SLC25A20: variants seen among roughly 807,000 people sequenced by gnomAD.
The protein encoded by SLC25A20 is mitochondrial carnitine/acylcarnitine carrier protein.
A neutral mutation model predicts 39.7 loss-of-function variants in SLC25A20; 29 were observed. The ratio of observed to expected loss-of-function variants is 0.73; its 90% CI spans 0.54 to 1.00. The LOEUF is 1.00. Ranked by LOEUF, SLC25A20 falls within the 50% of genes least tolerant of loss-of-function variation. SLC25A20 has a pLI of 0.00. For missense variants in SLC25A20, 333 were observed against 379.9 expected (o/e 0.88, Z 1.03); for synonymous variants, 103 against 142.2 (o/e 0.72, Z 1.96).
chr3:48,883,572 A>AT (rs2083809558), intron 3 of SLC25A20, among the ~76,000 whole-genome samples: 1 of 146,368 alleles, frequency 6.8e-6, no homozygotes, highest in Non-Finnish European at 1.5e-5. Context: ...GAAAAAAAAA[A>AT]CTCCCAGGAG....
At chr3:48,878,399 T>TCATG (rs908299362) in intron 4 of SLC25A20, among the ~76,000 whole-genome samples, 1 of 150,982 alleles carries the variant, frequency 6.6e-6, no homozygotes, top group African/African-American at 2.4e-5. Flanking sequence ...AGTGGCACAA[T>TCATG]CATGGCTCAG....
At position 48,879,437 on chromosome 3, in the gene SLC25A20, A is replaced by C; in HGVS notation, c.338T>G (p.Leu113Arg). Residue 113 changes from leucine (L) to arginine (R), a missense_variant, in exon 4 of 9, where the codon CTT becomes CGT. By Grantham distance (102) the Leu-to-Arg change is moderately radical. Transcript: ENST00000319017. ...GCCAGATAACATCCCAGCTGCAAAA[A>C]GCTGGGGATAGCTGCATTGAAAACA... ...HPEDVLSYPQLFAAGMLSGVF... is the reference protein window; with the variant it reads ...HPEDVLSYPQRFAAGMLSGVF... 4 of 1,613,600 alleles carry C rather than the reference A, an allele frequency of 2.5e-6. No individual in the cohort carries two copies. Among genetic ancestry groups the C allele is most frequent in the Non-Finnish European group, 3.4e-6 (4 of 1,179,476 alleles).
rs115475663 is a variant in SLC25A20, at chr3:48,869,332, G to A, written c.418-6673C>T. 8.6e-3 allele frequency among the ~76,000 whole-genome samples: 1,311 copies of A among 152,186 alleles called. 10 individuals carry two copies. The highest frequency in any genetic ancestry group is 0.014 in the Non-Finnish European group (934 of 68,012). On this transcript the variant is annotated intron_variant, in intron 4 of 8. Transcript: ENST00000319017. ...GCAGCCATGATAAAAATCCTTCAAT[G>A]AGCAATTATGAACATGCTTGAAAAA...
At chr3:48,876,587 G>C (rs1170265394) in intron 4 of SLC25A20, among the ~76,000 whole-genome samples, 1 of 150,912 alleles carries the variant, frequency 6.6e-6, no homozygotes, top group Non-Finnish European at 1.5e-5. Flanking sequence ...CACCACTCCT[G>C]GCTAATTTTT....
At chr3:48,858,912 T>C (rs1487434545) in intron 7 of SLC25A20, among the ~76,000 whole-genome samples, 180 bp downstream of exon 7, 1 of 152,136 alleles carries the variant, frequency 6.6e-6, no homozygotes, top group Non-Finnish European at 1.5e-5. Context: ...TAGGCTGTCA[T>C]GAAAATGAAT....
Position 48,898,684 on chromosome 3 carries a change from C to T in SLC25A20, c.105+6G>A, listed in dbSNP as rs1196082337. On this transcript the variant is annotated splice_donor_region_variant and intron_variant, in intron 1 of 8. Coordinates refer to ENST00000319017, the MANE Select transcript of SLC25A20 (RefSeq NM_000387.6). ...TCCCCAAAGCCTGCGACCCAGCCTC[C>T]CGCACCTTGACCGTGTCCAGAGGGT... is the stretch of plus-strand genomic sequence containing the variant. 2 of 1,597,068 alleles carry T rather than the reference C, an allele frequency of 1.3e-6. No individual in the cohort carries two copies. The highest frequency in any genetic ancestry group is 1.7e-6 in the Non-Finnish European group (2 of 1,172,726).
chr3:48,873,255 C>T (rs2083730054), intron 4 of SLC25A20, among the ~76,000 whole-genome samples: 1 of 151,230 alleles, frequency 6.6e-6, no homozygotes, highest in Middle Eastern at 3.3e-3. Flanking sequence ...CGTGGTGGCT[C>T]ACGCCTGTAG....
At chr3:48,894,244 T>C (rs1279186461) in intron 1 of SLC25A20, among the ~76,000 whole-genome samples, 1 of 148,154 alleles carries the variant, frequency 6.7e-6, no homozygotes, top group Non-Finnish European at 1.5e-5. Flanking sequence ...GGCTGGAGTC[T>C]TTGCCGATTT....
At chr3:48,878,933 G>A (rs2083781035) in intron 4 of SLC25A20, among the ~76,000 whole-genome samples, 1 of 151,874 alleles carries the variant, frequency 6.6e-6, no homozygotes, top group Non-Finnish European at 1.5e-5. Context: ...CAGTGCAGTG[G>A]CGTGACACAG....
At chr3:48,881,282 A>G (rs1234952036) in intron 3 of SLC25A20, among the ~76,000 whole-genome samples, 1 of 152,208 alleles carries the variant, frequency 6.6e-6, no homozygotes, top group Non-Finnish European at 1.5e-5. Flanking sequence ...TCACATGGCT[A>G]TCCCTGAGGA....
chr3:48,857,727 C>T lies in SLC25A20; in HGVS notation c.889G>A (p.Ala297Thr), dbSNP rs756206368. The change falls in exon 9 of 9, where the codon GCC (alanine) becomes ACC (threonine). Residue 297 changes from alanine (A) to threonine (T), a missense_variant. Ala to Thr is a moderately conservative substitution (Grantham distance 58, BLOSUM62 0). Coordinates refer to ENST00000319017, the MANE Select transcript of SLC25A20 (RefSeq NM_000387.6). ...CTTCAGCCTCACAAGTTGGGGGTGG[C>T]CCAATTAAGGAACTTCATGGCAACT... ...FEVAMKFLNW[A>T]TPNL 1.2e-6 allele frequency: 2 copies of T among 1,613,786 alleles called. No individual in the cohort carries two copies. The highest frequency in any genetic ancestry group is 1.7e-6 in the Non-Finnish European group (2 of 1,179,936).
chr3:48,867,411 A>ATTTTTTTTTTTTTTTT (rs58122933), intron 4 of SLC25A20, among the ~76,000 whole-genome samples: 58 of 108,376 alleles, frequency 5.4e-4, no homozygotes, highest in Non-Finnish European at 6.1e-4. Flanking sequence ...TGCCTGGGTA[A>ATTTTTTTTTTTTTTTT]TTTTTTTTTT....
At position 48,859,134 on chromosome 3, in the gene SLC25A20, C is replaced by A; in HGVS notation, c.676G>T (p.Val226Leu). Reference sequence around the variant, plus strand: ...TTGAGCACATCTGGGGGGATTGCCACAGCCCAGTTGAAGATCCCTGCAATG... The same window carrying A: ...TTGAGCACATCTGGGGGGATTGCCAAAGCCCAGTTGAAGATCCCTGCAATG... ...GGIAGIFNWA[V>L]AIPPDVLKSR... Residue 226 changes from valine to leucine, a missense_variant, in exon 7 of 9, where the codon GTG (valine) becomes TTG (leucine). Physicochemically the swap from Val to Leu is conservative, Grantham distance 32. Transcript: ENST00000319017. 6.2e-7 allele frequency: 1 copy of A among 1,614,080 alleles called. No homozygotes were observed.
chr3:48,887,958 C>A (rs759237819), intron 2 of SLC25A20, among the ~76,000 whole-genome samples: 10 of 151,914 alleles, frequency 6.6e-5, no homozygotes, highest in Admixed American at 1.3e-4. Context: ...TCTGTAATTC[C>A]AGCGCTTTGG....
chr3:48,864,514 T>C (rs2083651407), intron 4 of SLC25A20, among the ~76,000 whole-genome samples: 1 of 151,916 alleles, frequency 6.6e-6, no homozygotes, highest in Non-Finnish European at 1.5e-5. Flanking sequence ...ATTTCTATTT[T>C]TCTAAAAATA....
intron 1 of SLC25A20, among the ~76,000 whole-genome samples, chr3:48,896,137 T>C (rs1404801564): frequency 6.9e-6 from 1 of 144,958 alleles, no homozygotes; most frequent in Non-Finnish European, 1.5e-5. Context: ...GAGAGTCTTG[T>C]CTCAAAAAAA....
At chr3:48,885,284 A>G (rs574512882) in intron 2 of SLC25A20, among the ~76,000 whole-genome samples, 1 of 152,144 alleles carries the variant, frequency 6.6e-6, no homozygotes, top group South Asian at 2.1e-4. Context: ...AAAAAAAAAA[A>G]GAAAGTGAAT....
At chr3:48,883,914 G>T in intron 3 of SLC25A20, 83 bp downstream of exon 3, 1 of 1,543,160 alleles carries the variant, frequency 6.5e-7, no homozygotes, top group Admixed American at 1.8e-5. Flanking sequence ...ATGAGCCACC[G>T]CGCCCTGCCC....
chr3:48,869,380 G>T (rs1421668906), intron 4 of SLC25A20, among the ~76,000 whole-genome samples: 1 of 152,108 alleles, frequency 6.6e-6, no homozygotes, highest in Non-Finnish European at 1.5e-5. Flanking sequence ...GGGCACGGTG[G>T]CTCACACCTG....
Sources: gnomAD v4.1 joint callset for allele counts (sites outside exome capture counted in the v4.1 genomes callset) on GRCh38, gnomAD v4.1.1 for gene constraint, MANE v1.5 for transcripts, NCBI Gene and HGNC (gene_info 2026-07-23, HGNC 2026-07-21) for gene names.